Variants in MACROD2 observed in about 807,000 individuals in gnomAD.
The protein encoded by MACROD2 is mono-ADP ribosylhydrolase 2.
Under a neutral mutation model 70.4 loss-of-function variants are expected in MACROD2, and 36 were observed. That is an observed-to-expected ratio of 0.51 (90% CI 0.39 to 0.68). The LOEUF is 0.68. MACROD2 is among the 30% of genes least tolerant of loss of function. MACROD2 has a pLI of 0.00. For missense variants in MACROD2, 496 were observed against 538.4 expected, an observed-to-expected ratio of 0.92 and a Z score of 0.78; for synonymous variants, 172 against 178.8, an observed-to-expected ratio of 0.96 and a Z score of 0.30.
intron 5 of MACROD2, among the ~76,000 whole-genome samples, chr20:14,875,613 T>C (rs927621941): frequency 1.3e-5 from 2 of 152,054 alleles, no homozygotes; most frequent in African/African-American, 2.4e-5. Context: ...ACCCAATAGG[T>C]AGTTTTTCAG....
chr20:14,637,468 T>C (rs1224669121), intron 4 of MACROD2, among the ~76,000 whole-genome samples: 1 of 152,206 alleles, frequency 6.6e-6, no homozygotes, highest in African/African-American at 2.4e-5. Context: ...GGGTAAAATA[T>C]TACAATGAAT....
intron 7 of MACROD2, among the ~76,000 whole-genome samples, chr20:15,498,934 G>A (rs1484667365): frequency 6.6e-6 from 1 of 152,172 alleles, no homozygotes; most frequent in African/African-American, 2.4e-5. Flanking sequence ...GAAGGCAGTG[G>A]TGAGCTCAAA....
chr20:15,963,737 C>A (rs950917229), intron 12 of MACROD2, among the ~76,000 whole-genome samples: 1 of 152,002 alleles, frequency 6.6e-6, no homozygotes, highest in Non-Finnish European at 1.5e-5. Flanking sequence ...TTAAAAGTGA[C>A]CTACTTTTTG....
intron 12 of MACROD2, among the ~76,000 whole-genome samples, chr20:15,956,901 T>C (rs2147380417): frequency 6.6e-6 from 1 of 152,322 alleles, no homozygotes; most frequent in East Asian, 1.9e-4. Context: ...AATACTATTC[T>C]TACTCTTCAA....
chr20:15,826,798 A>G (rs1263415834), intron 8 of MACROD2, among the ~76,000 whole-genome samples: 1 of 152,238 alleles, frequency 6.6e-6, no homozygotes, highest in Non-Finnish European at 1.5e-5. Flanking sequence ...CTTTGAAATG[A>G]TACGGCATTT....
intron 4 of MACROD2, among the ~76,000 whole-genome samples, chr20:14,583,725 A>T (rs1981192505): frequency 6.6e-6 from 1 of 152,234 alleles, no homozygotes; most frequent in Admixed American, 6.5e-5. Context: ...TAATGCATTT[A>T]TCCCTATCCA....
At chr20:15,329,959 A>G (rs972312860) in intron 6 of MACROD2, among the ~76,000 whole-genome samples, 8 of 152,082 alleles carry the variant, frequency 5.3e-5, no homozygotes, top group African/African-American at 1.7e-4. Flanking sequence ...TGCCTTCGCT[A>G]TACCCAGAAG....
intron 5 of MACROD2, among the ~76,000 whole-genome samples, chr20:15,064,405 G>A (rs1031364031): frequency 1.5e-4 from 23 of 152,104 alleles, no homozygotes; most frequent in Non-Finnish European, 3.4e-4. Context: ...CTGTTGACTC[G>A]GACTTCTGAT....
At chr20:15,437,963 C>T (rs970877661) in intron 7 of MACROD2, among the ~76,000 whole-genome samples, 3 of 151,900 alleles carry the variant, frequency 2.0e-5, no homozygotes, top group African/African-American at 7.3e-5. Context: ...AATGAACAGT[C>T]ACATGCATGT....
At chr20:14,285,076 A>G (rs2082333326) in intron 3 of MACROD2, among the ~76,000 whole-genome samples, 1 of 151,320 alleles carries the variant, frequency 6.6e-6, no homozygotes, top group South Asian at 2.1e-4. Context: ...TCTATTGCAC[A>G]GTTGGCACAC....
chr20:15,520,535 G>T (rs1298691191), intron 8 of MACROD2, among the ~76,000 whole-genome samples: 2 of 151,960 alleles, frequency 1.3e-5, no homozygotes, highest in Non-Finnish European at 2.9e-5. Context: ...TCACCCCTAT[G>T]TTTTTAAAGC....
At chr20:15,698,079 T>A (rs2050401808) in intron 8 of MACROD2, among the ~76,000 whole-genome samples, 1 of 152,240 alleles carries the variant, frequency 6.6e-6, no homozygotes, top group Non-Finnish European at 1.5e-5. Flanking sequence ...AAATGTGAGG[T>A]ACCATTGCAT....
chr20:14,716,482 C>T (rs1274457377), intron 5 of MACROD2, among the ~76,000 whole-genome samples: 1 of 152,146 alleles, frequency 6.6e-6, no homozygotes, highest in South Asian at 2.1e-4. Flanking sequence ...ATTCTTAATT[C>T]TTTCTGCCAT....
intron 3 of MACROD2, among the ~76,000 whole-genome samples, chr20:14,244,105 C>T (rs2081950537): frequency 6.6e-6 from 1 of 152,188 alleles, no homozygotes. Context: ...TAGGTGCCAG[C>T]TCATTTACTT....
At chr20:14,618,420 T>A (rs963136790) in intron 4 of MACROD2, among the ~76,000 whole-genome samples, 1 of 152,170 alleles carries the variant, frequency 6.6e-6, no homozygotes, top group African/African-American at 2.4e-5. Context: ...TTTTCCTGTG[T>A]TAGAGATAAT....
intron 5 of MACROD2, among the ~76,000 whole-genome samples, chr20:15,007,669 G>T (rs2075050535): frequency 6.6e-6 from 1 of 152,182 alleles, no homozygotes; most frequent in Non-Finnish European, 1.5e-5. Context: ...ACTCTTTTCT[G>T]GCCTGCCAGG....
intron 3 of MACROD2, among the ~76,000 whole-genome samples, chr20:14,399,835 C>G (rs545895900): frequency 1.5e-4 from 23 of 152,066 alleles, no homozygotes; most frequent in African/African-American, 5.5e-4. Flanking sequence ...CTATTTTTTT[C>G]TGTCTTATCT....
intron 15 of MACROD2, among the ~76,000 whole-genome samples, chr20:16,021,146 C>A (rs1447270464): frequency 6.6e-6 from 1 of 152,110 alleles, no homozygotes; most frequent in East Asian, 1.9e-4. Flanking sequence ...AATATGACAA[C>A]ACTTCCCAGG....
intron 6 of MACROD2, among the ~76,000 whole-genome samples, chr20:15,251,528 T>C (rs2077156031): frequency 6.6e-6 from 1 of 152,204 alleles, no homozygotes; most frequent in African/African-American, 2.4e-5. Flanking sequence ...AATGAAGGAC[T>C]TGGGTGTAAG....
Sources: gnomAD v4.1 joint callset for allele counts (sites outside exome capture counted in the v4.1 genomes callset) on GRCh38, gnomAD v4.1.1 for gene constraint, MANE v1.5 for transcripts, NCBI Gene and HGNC (gene_info 2026-07-23, HGNC 2026-07-21) for gene names.